Variants in DIAPH3 observed in about 807,000 individuals in gnomAD.
DIAPH3 encodes protein diaphanous homolog 3.
In DIAPH3, 117 loss-of-function variants were observed where a neutral mutation model predicts 144.3. That is an observed-to-expected ratio of 0.81 (90% confidence interval 0.70 to 0.95). The LOEUF (loss-of-function observed/expected upper bound fraction) is 0.95. Among genes scored for constraint, DIAPH3 ranks in the 40% least tolerant of loss-of-function variants. DIAPH3 has a pLI of 0.00. For missense variants in DIAPH3, 1,421 were observed against 1,412.7 expected (o/e 1.01, Z -0.09); for synonymous variants, 519 against 488.9 (o/e 1.06, Z -0.81).
chr13:59,958,097 T>C (rs2049513074), intron 17 of DIAPH3, among the ~76,000 whole-genome samples: 1 of 152,224 alleles, frequency 6.6e-6, no homozygotes, highest in Non-Finnish European at 1.5e-5. Flanking sequence ...GAAATGTCGC[T>C]GCAATAGATC....
At chr13:59,730,390 A>T (rs952920023) in intron 27 of DIAPH3, among the ~76,000 whole-genome samples, 8 of 152,298 alleles carry the variant, frequency 5.3e-5, no homozygotes, top group African/African-American at 1.9e-4. Context: ...TATAAAGGAA[A>T]AGTGTAGCAT....
Position 59,980,883 on chromosome 13 carries a change from T to C in DIAPH3, c.1481-24A>G. On this transcript the variant is annotated intron_variant, in intron 13 of 27. Coordinates refer to ENST00000400324, the MANE Select transcript of DIAPH3 (RefSeq NM_001042517.2). The stretch of plus-strand genomic sequence containing the variant: ...GTCTAAAATTGCAATGACAGGAAAT[T>C]TTTAATGTGAAACTTCTTAAACTCA... 4 of 1,597,418 alleles carry C rather than the reference T, an allele frequency of 2.5e-6. No homozygotes were observed. The South Asian group carries it at 4.4e-5, about 18-fold the overall frequency.
chr13:60,103,687 C>A (rs80226224), intron 3 of DIAPH3, among the ~76,000 whole-genome samples: 16 of 152,242 alleles, frequency 1.1e-4, no homozygotes, highest in African/African-American at 3.9e-4. Flanking sequence ...GGGGTTAAAG[C>A]CAACATAATT....
At position 59,714,860 on chromosome 13, in the gene DIAPH3, C is replaced by A. The variant is rs1210282700; in HGVS notation, c.3320-48014G>T. 2.0e-5 allele frequency among the ~76,000 whole-genome samples: 3 copies of A among 152,020 alleles called. No homozygotes were observed. In the East Asian group the frequency reaches 5.8e-4, roughly 29 times the overall value. ...TCATTTTCTAGTGTGAATCATACAG[C>A]TCAATTTTATAAGAAAATTGTTTTT... On this transcript the variant is annotated intron_variant, in intron 27 of 27. Coordinates refer to ENST00000400324, the MANE Select transcript of DIAPH3 (RefSeq NM_001042517.2).
intron 12 of DIAPH3, among the ~76,000 whole-genome samples, chr13:59,989,348 G>A (rs1159376722): frequency 6.6e-6 from 1 of 151,638 alleles, no homozygotes; most frequent in African/African-American, 2.4e-5. Context: ...CACAATCTTG[G>A]AATAAAAGCA....
intron 20 of DIAPH3, among the ~76,000 whole-genome samples, chr13:59,905,169 C>T (rs375507813): frequency 6.6e-6 from 1 of 151,252 alleles, no homozygotes; most frequent in African/African-American, 2.4e-5. Context: ...GGTGAAACCC[C>T]GTCTCTACTA....
chr13:59,701,378 T>A (rs1257084160), intron 27 of DIAPH3, among the ~76,000 whole-genome samples: 1 of 152,190 alleles, frequency 6.6e-6, no homozygotes, highest in Non-Finnish European at 1.5e-5. Flanking sequence ...TCTAGAGACA[T>A]ACACAGCACT....
At position 59,788,417 on chromosome 13, in the gene DIAPH3, TCA is replaced by T. The variant is rs541436311; in HGVS notation, c.3164-13596_3164-13595del. 4.7e-3 allele frequency among the ~76,000 whole-genome samples: 720 copies of T among 152,278 alleles called. 7 individuals carry two copies. Among genetic ancestry groups the T allele is most frequent in the African/African-American group, 0.016 (674 of 41,558 alleles). ...GGTGAATCGCTTGAGGCCAGGAGTT[TCA>T]GACTAGCCTGGGCAACACAGTGAGA... On this transcript the variant is annotated intron_variant, in intron 25 of 27. Coordinates refer to ENST00000400324, the MANE Select transcript of DIAPH3 (RefSeq NM_001042517.2).
At chr13:60,127,872 C>T (rs952347516) in intron 2 of DIAPH3, among the ~76,000 whole-genome samples, 2 of 152,062 alleles carry the variant, frequency 1.3e-5, no homozygotes, top group Admixed American at 1.3e-4. Context: ...ATATAATGCA[C>T]GTAAATTATA....
chr13:59,752,890 T>C (rs1278635094), intron 27 of DIAPH3, among the ~76,000 whole-genome samples: 1 of 152,228 alleles, frequency 6.6e-6, no homozygotes. Context: ...TCTGAATATA[T>C]ACATGTAAAG....
intron 17 of DIAPH3, among the ~76,000 whole-genome samples, chr13:59,949,497 C>T (rs1455735375): frequency 6.6e-6 from 1 of 152,028 alleles, no homozygotes; most frequent in Non-Finnish European, 1.5e-5. Flanking sequence ...GAAATAAAAC[C>T]TCAGTAATAT....
intron 8 of DIAPH3, among the ~76,000 whole-genome samples, chr13:60,009,544 T>C (rs796067007): frequency 7.9e-5 from 12 of 152,336 alleles, no homozygotes; most frequent in African/African-American, 2.9e-4. Flanking sequence ...AATTTCACTC[T>C]TAGATTTGTA....
chr13:59,915,325 A>T (rs187902579), intron 19 of DIAPH3, among the ~76,000 whole-genome samples: 1 of 152,284 alleles, frequency 6.6e-6, no homozygotes, highest in African/African-American at 2.4e-5. Flanking sequence ...CATTTAGAAG[A>T]CAAGATAGGA....
intron 27 of DIAPH3, among the ~76,000 whole-genome samples, chr13:59,751,303 C>T (rs2036996145): frequency 6.6e-6 from 1 of 152,204 alleles, no homozygotes; most frequent in Non-Finnish European, 1.5e-5. Context: ...AAGATCTCTG[C>T]CATCATCTTT....
intron 27 of DIAPH3, among the ~76,000 whole-genome samples, chr13:59,697,499 G>C: frequency 8.9e-6 from 1 of 112,028 alleles, no homozygotes; most frequent in Non-Finnish European, 2.0e-5. Context: ...AAAAAGAAGA[G>C]GGGATTCAAC....
intron 20 of DIAPH3, among the ~76,000 whole-genome samples, chr13:59,907,028 G>A (rs779285003): frequency 2.0e-5 from 3 of 152,184 alleles, no homozygotes; most frequent in African/African-American, 7.2e-5. Context: ...TAATATTTTG[G>A]AAAGATGGAC....
chr13:59,739,674 G>A (rs2036347954), intron 27 of DIAPH3, among the ~76,000 whole-genome samples: 1 of 151,978 alleles, frequency 6.6e-6, no homozygotes, highest in South Asian at 2.1e-4. Context: ...TAAACATAAA[G>A]TAAATATCAA....
intron 2 of DIAPH3, among the ~76,000 whole-genome samples, chr13:60,131,507 C>A (rs1166006233): frequency 1.4e-5 from 2 of 143,718 alleles, no homozygotes; most frequent in African/African-American, 5.2e-5. Context: ...ACCTTGAACA[C>A]ATTATGGTAA....
chr13:59,924,292 G>T (rs2047654660), intron 18 of DIAPH3, among the ~76,000 whole-genome samples: 1 of 152,044 alleles, frequency 6.6e-6, no homozygotes, highest in Non-Finnish European at 1.5e-5. Context: ...AACTTTTGAG[G>T]AAAGGCTTTG....
Sources: gnomAD v4.1 joint callset for allele counts (sites outside exome capture counted in the v4.1 genomes callset) on GRCh38, gnomAD v4.1.1 for gene constraint, MANE v1.5 for transcripts, NCBI Gene and HGNC (gene_info 2026-07-23, HGNC 2026-07-21) for gene names.